TMTC2: variants seen among roughly 807,000 people sequenced by gnomAD.
The protein encoded by TMTC2 is transmembrane O-mannosyltransferase targeting cadherins 2, also known as protein O-mannosyl-transferase TMTC2.
A neutral mutation model predicts 82.4 loss-of-function variants in TMTC2; 43 were observed. The observed-to-expected ratio is 0.52, with a 90% CI of 0.41 to 0.67. The LOEUF (loss-of-function observed/expected upper bound fraction) is 0.67. Among genes scored for constraint, TMTC2 ranks in the 30% least tolerant of loss-of-function variants. The pLI is 0.00. For synonymous variants in TMTC2, 408 were observed against 381.9 expected (o/e 1.07, Z -0.80); for missense variants, 919 against 1,012.4 (o/e 0.91, Z 1.25).
intron 1 of TMTC2, among the ~76,000 whole-genome samples, chr12:82,770,372 C>T (rs987797669): frequency 6.6e-6 from 1 of 152,018 alleles, no homozygotes; most frequent in African/African-American, 2.4e-5. Flanking sequence ...ATGTTTTACT[C>T]TATTGCAGAA....
chr12:82,758,620 T>C (rs2136976413), intron 1 of TMTC2: 2 of 152,280 alleles, frequency 1.3e-5, no homozygotes, highest in South Asian at 4.1e-4. Flanking sequence ...ATTTTGTAAG[T>C]GTAGTGTAGA....
intron 1 of TMTC2, among the ~76,000 whole-genome samples, chr12:82,767,034 T>C (rs75612606): frequency 6.6e-6 from 1 of 152,102 alleles, no homozygotes; most frequent in Non-Finnish European, 1.5e-5. Flanking sequence ...TTTTTTTTCA[T>C]CTTGGTATTG....
chr12:82,837,174 G>A (rs1870092323), intron 1 of TMTC2, among the ~76,000 whole-genome samples: 1 of 152,178 alleles, frequency 6.6e-6, no homozygotes, highest in African/African-American at 2.4e-5. Flanking sequence ...AGCAGCTTTT[G>A]TTCTTAACAT....
At chr12:83,029,769 T>A (rs1395860579) in intron 8 of TMTC2, among the ~76,000 whole-genome samples, 1 of 152,188 alleles carries the variant, frequency 6.6e-6, no homozygotes, top group Non-Finnish European at 1.5e-5. Context: ...GTAACTGTGG[T>A]TCAGAGGCAA....
intron 9 of TMTC2, among the ~76,000 whole-genome samples, chr12:83,040,666 T>C (rs1881854571): frequency 6.6e-6 from 1 of 150,696 alleles, no homozygotes; most frequent in African/African-American, 2.4e-5. Context: ...ATCAACTTTT[T>C]TTCTGTCCTT....
chr12:83,126,684 G>T (rs1481234969), intron 11 of TMTC2, among the ~76,000 whole-genome samples: 2 of 151,996 alleles, frequency 1.3e-5, no homozygotes, highest in Non-Finnish European at 2.9e-5. Context: ...GGGTGGGGGG[G>T]CAAGGAATCC....
chr12:82,994,220 C>T (rs576848180), intron 8 of TMTC2, among the ~76,000 whole-genome samples: 2 of 152,258 alleles, frequency 1.3e-5, no homozygotes, highest in South Asian at 2.1e-4. Flanking sequence ...TGCAGTGGCA[C>T]GGTCTTGGCT....
intron 1 of TMTC2, among the ~76,000 whole-genome samples, chr12:82,733,000 A>G (rs1304904592): frequency 1.3e-5 from 2 of 152,214 alleles, no homozygotes; most frequent in African/African-American, 2.4e-5. Context: ...AATTATAGGC[A>G]TTGACTAATA....
chr12:83,124,879 G>A lies in TMTC2; in HGVS notation c.2332-7331G>A, dbSNP rs114678442. ...GGAATAAAAAGAAACTGAAGATAGG[G>A]AGAATAACAGGAGGCTGATGGAGGT... On this transcript the variant is annotated intron_variant, in intron 11 of 11. Transcript: ENST00000321196. 2.0e-3 allele frequency among the ~76,000 whole-genome samples: 303 copies of A among 152,236 alleles called. 4 individuals are homozygous for A. The highest frequency in any genetic ancestry group is 6.8e-3 in the African/African-American group (281 of 41,560).
intron 8 of TMTC2, among the ~76,000 whole-genome samples, chr12:83,023,098 G>A (rs1881006940): frequency 6.6e-6 from 1 of 152,156 alleles, no homozygotes; most frequent in Admixed American, 6.6e-5. Context: ...CTTTTCATAT[G>A]TGTCAAATTT....
At chr12:82,809,013 A>G (rs957868921) in intron 1 of TMTC2, among the ~76,000 whole-genome samples, 1 of 150,032 alleles carries the variant, frequency 6.7e-6, no homozygotes, top group African/African-American at 2.5e-5. Flanking sequence ...TTTTTTTTCT[A>G]GGAAAGAAGC....
intron 8 of TMTC2, among the ~76,000 whole-genome samples, chr12:83,014,865 A>G (rs1057174396): frequency 4.6e-5 from 7 of 152,340 alleles, no homozygotes; most frequent in Admixed American, 1.3e-4. Context: ...TTTACTGAGC[A>G]CTTACTCTGT....
chr12:82,753,262 G>C (rs1272868091), intron 1 of TMTC2, among the ~76,000 whole-genome samples: 1 of 150,436 alleles, frequency 6.6e-6, no homozygotes, highest in Admixed American at 6.6e-5. Flanking sequence ...TATATAAGGA[G>C]AAAATAATTT....
rs1872098278 is a variant in TMTC2, at chr12:82,870,097, A to C, written c.654+12517A>C. Among the ~76,000 whole-genome samples the C allele has an allele frequency of 2.0e-5, 3 of 152,140 alleles. No individual in the cohort carries two copies. The South Asian group carries it at 6.2e-4, about 31-fold the overall frequency. Reference sequence around the variant, plus strand: ...TTGGAATTCCATGTACCTGTCACTCAAATTCATCATTAATTAATTACAATT... The same window carrying C: ...TTGGAATTCCATGTACCTGTCACTCCAATTCATCATTAATTAATTACAATT... On this transcript the variant is annotated intron_variant, in intron 2 of 11. Transcript: ENST00000321196.
intron 11 of TMTC2, among the ~76,000 whole-genome samples, chr12:83,079,568 C>T (rs765163634): frequency 3.1e-4 from 47 of 152,140 alleles, no homozygotes; most frequent in Middle Eastern, 6.8e-3. Flanking sequence ...CTTGTAACCA[C>T]GGGTACACTA....
At chr12:83,111,277 G>A (rs932747005) in intron 11 of TMTC2, among the ~76,000 whole-genome samples, 13 of 152,250 alleles carry the variant, frequency 8.5e-5, no homozygotes, top group African/African-American at 3.1e-4. Context: ...GTTTAAACTA[G>A]GGTCCAGCAA....
At chr12:82,979,132 T>C (rs746045418) in intron 7 of TMTC2, among the ~76,000 whole-genome samples, 3 of 151,752 alleles carry the variant, frequency 2.0e-5, no homozygotes, top group Non-Finnish European at 4.4e-5. Flanking sequence ...TTTTTCTTTT[T>C]ATTTAGCCAC....
At chr12:82,997,221 C>CTCTCTCTCTCTCTCTCTCTATATATA (rs1451262969) in intron 8 of TMTC2, among the ~76,000 whole-genome samples, 6 of 118,544 alleles carry the variant, frequency 5.1e-5, no homozygotes, top group Admixed American at 1.9e-4. Flanking sequence ...CTCTCTCTCT[C>CTCTCTCTCTCTCTCTCTCTATATATA]TATATATATA....
intron 1 of TMTC2, among the ~76,000 whole-genome samples, chr12:82,846,905 T>TG (rs1184028024): frequency 1.3e-5 from 2 of 152,088 alleles, no homozygotes; most frequent in African/African-American, 4.8e-5. Context: ...TTTGGAAAAG[T>TG]GTTACCAGTG....
Sources: gnomAD v4.1 joint callset for allele counts (sites outside exome capture counted in the v4.1 genomes callset) on GRCh38, gnomAD v4.1.1 for gene constraint, MANE v1.5 for transcripts, NCBI Gene and HGNC (gene_info 2026-07-23, HGNC 2026-07-21) for gene names.